Variants in RNF144A observed in about 807,000 individuals in gnomAD.
RNF144A encodes E3 ubiquitin-protein ligase RNF144A.
In RNF144A, 11 loss-of-function variants were observed where a neutral mutation model predicts 38.7. The ratio of observed to expected loss-of-function variants is 0.28; its 90% CI spans 0.18 to 0.47. The LOEUF is 0.47. RNF144A is among the 20% of genes least tolerant of loss of function. The pLI, the probability that RNF144A is intolerant of heterozygous loss-of-function variation, is 0.99. For missense variants in RNF144A, 316 were observed against 377.2 expected (o/e 0.84, Z 1.34); for synonymous variants, 149 against 143.9 (o/e 1.04, Z -0.25).
chr2:6,975,917 C>A (rs1176981837), intron 2 of RNF144A, among the ~76,000 whole-genome samples: 2 of 152,250 alleles, frequency 1.3e-5, no homozygotes, highest in African/African-American at 4.8e-5. Context: ...CTGTTCTATG[C>A]TTTGCTGTTT....
At chr2:7,029,556 G>A (rs1188600405) in intron 7 of RNF144A, among the ~76,000 whole-genome samples, 1 of 152,226 alleles carries the variant, frequency 6.6e-6, no homozygotes, top group African/African-American at 2.4e-5. Context: ...CTTGAATCAT[G>A]AGGAAAATCA....
chr2:7,039,515 G>T, intron 8 of RNF144A, 114 bp from the exon 9 acceptor site: 1 of 1,525,576 alleles, frequency 6.6e-7, no homozygotes, highest in South Asian at 1.3e-5. Context: ...TAGATGGATG[G>T]TTGGGTGGAT....
At chr2:6,999,789 A>T (rs959143393) in intron 3 of RNF144A, among the ~76,000 whole-genome samples, 6 of 152,242 alleles carry the variant, frequency 3.9e-5, no homozygotes, top group Non-Finnish European at 8.8e-5. Flanking sequence ...AACTGCAGGA[A>T]TAAAAACAGA....
intron 6 of RNF144A, among the ~76,000 whole-genome samples, chr2:7,052,459 G>C (rs1256118169): frequency 1.3e-5 from 2 of 152,216 alleles, no homozygotes; most frequent in African/African-American, 4.8e-5. Flanking sequence ...AATATGAGCT[G>C]TCCTGTGGCC....
At chr2:6,984,532 G>A (rs1668834936) in intron 2 of RNF144A, among the ~76,000 whole-genome samples, 1 of 152,138 alleles carries the variant, frequency 6.6e-6, no homozygotes, top group Admixed American at 6.5e-5. Context: ...TCGAGCTCCT[G>A]ACCTCATGAT....
chr2:6,974,698 G>A (rs188689223), intron 2 of RNF144A, among the ~76,000 whole-genome samples: 8 of 152,206 alleles, frequency 5.3e-5, no homozygotes, highest in African/African-American at 1.7e-4. Context: ...TTAACTCTTA[G>A]CTCTTGACAG....
At chr2:7,024,595 T>C in intron 7 of RNF144A, 79 bp downstream of exon 7, 1 of 1,497,370 alleles carries the variant, frequency 6.7e-7, no homozygotes, top group South Asian at 1.2e-5. Flanking sequence ...AGACCAGCTG[T>C]TTCCTAAAGA....
intron 2 of RNF144A, chr2:6,978,941 G>A (rs1274050699): frequency 6.6e-6 from 1 of 152,654 alleles, no homozygotes; most frequent in Non-Finnish European, 1.5e-5. Flanking sequence ...CAGAAGAAAG[G>A]GTGGCATGAA....
intron 3 of RNF144A, among the ~76,000 whole-genome samples, chr2:7,003,756 C>T (rs570969446): frequency 1.3e-3 from 198 of 152,336 alleles, no homozygotes; most frequent in African/African-American, 4.5e-3. Context: ...GCAAAGCCTG[C>T]GAGAGGGCAG....
intron 6 of RNF144A, among the ~76,000 whole-genome samples, chr2:7,063,753 G>A (rs919679147): frequency 2.0e-5 from 3 of 152,172 alleles, no homozygotes; most frequent in African/African-American, 4.8e-5. Flanking sequence ...ATGTTCTAAC[G>A]TCTAATGCTC....
chr2:6,940,279 T>A (rs917319294), intron 1 of RNF144A, among the ~76,000 whole-genome samples: 10 of 152,194 alleles, frequency 6.6e-5, no homozygotes, highest in African/African-American at 2.4e-4. Context: ...AATATACAGA[T>A]CTTACACATC....
intron 5 of RNF144A, 62 bp from the exon 6 acceptor site, chr2:7,020,411 T>G: frequency 4.1e-6 from 6 of 1,456,472 alleles, no homozygotes; most frequent in South Asian, 3.5e-5. Context: ...GGCTCCTTCC[T>G]CTGAAGCCCA....
At chr2:6,978,982 C>T (rs1008423185) in intron 2 of RNF144A, 4 of 152,680 alleles carry the variant, frequency 2.6e-5, no homozygotes, top group Non-Finnish European at 5.9e-5. Flanking sequence ...AACTTCTGGG[C>T]TGCCTCTCTG....
chr2:7,059,795 CAG>C lies in RNF144A; in HGVS notation c.735-8418_735-8417del, dbSNP rs547776889. Among the ~76,000 whole-genome samples, 589 of 152,300 alleles carry C rather than the reference CAG, an allele frequency of 3.9e-3. 7 individuals are homozygous for C. Among genetic ancestry groups the C allele is most frequent in the African/African-American group, 0.013 (549 of 41,554 alleles). On this transcript the variant is annotated intron_variant, in intron 6 of 6. Transcript: ENST00000432850. ...TGGTGCTGGAGAACTTACACCAACT[CAG>C]AGGAGAAAGGGTGAGAGAGAATCAC...
chr2:7,068,572 T>C (rs547479657), downstream of RNF144A, among the ~76,000 whole-genome samples: 91 of 152,312 alleles, frequency 6.0e-4, no homozygotes, highest in Non-Finnish European at 1.1e-3. Context: ...AGGAAGAGCA[T>C]TTCAAAATGT....
intron 7 of RNF144A, 33 bp from the exon 8 acceptor site, chr2:7,030,092 TC>T: frequency 6.8e-7 from 1 of 1,464,790 alleles, no homozygotes; most frequent in Non-Finnish European, 9.6e-7. Context: ...CAGGAACCAC[TC>T]GTTCATGCCG....
At chr2:6,960,810 C>G (rs1386029807) in intron 2 of RNF144A, among the ~76,000 whole-genome samples, 1 of 152,158 alleles carries the variant, frequency 6.6e-6, no homozygotes, top group African/African-American at 2.4e-5. Context: ...CAGTTTCAGG[C>G]TCTCTGCTGG....
At chr2:7,037,178 T>G (rs1274479660) in intron 8 of RNF144A, among the ~76,000 whole-genome samples, 1 of 152,196 alleles carries the variant, frequency 6.6e-6, no homozygotes, top group East Asian at 1.9e-4. Flanking sequence ...TCCTGTCTCA[T>G]TTTTTACTGC....
chr2:6,989,074 T>C (rs1314518064), intron 2 of RNF144A, among the ~76,000 whole-genome samples: 6 of 152,224 alleles, frequency 3.9e-5, no homozygotes, highest in Non-Finnish European at 8.8e-5. Flanking sequence ...TGGAACATTG[T>C]GTTAGAATCA....
Sources: allele counts gnomAD v4.1 joint callset (sites outside exome capture counted in the v4.1 genomes callset), GRCh38; gene constraint gnomAD v4.1.1; transcripts MANE v1.5; gene names NCBI Gene and HGNC (gene_info 2026-07-23, HGNC 2026-07-21).